Variants in OXR1 observed in about 807,000 individuals in gnomAD.
OXR1 encodes oxidation resistance 1.
A neutral mutation model predicts 104.6 loss-of-function variants in OXR1; 41 were observed. The observed-to-expected ratio is 0.39, with a 90% CI of 0.31 to 0.51. OXR1 has a LOEUF of 0.51. OXR1 is among the 20% of genes least tolerant of loss of function. The pLI is 0.77. For missense variants in OXR1, 955 were observed against 1,031.9 expected (o/e 0.93, Z 1.02); for synonymous variants, 348 against 348.4 (o/e 1.00, Z 0.01).
rs1291097321 is a variant in OXR1, at chr8:106,287,284, GTAT to G, written c.-139+16923_-139+16925del. 3.3e-5 allele frequency among the ~76,000 whole-genome samples: 5 copies of G among 152,152 alleles called. No individual in the cohort carries two copies. In the East Asian group the frequency reaches 9.6e-4, roughly 29 times the overall value. On this transcript the variant is annotated intron_variant, in intron 1 of 16. Transcript: ENST00000517566. ...TAAAAGGAGGTCAGGGGTATTGGAG[GTAT>G]TATTAAGATTCACTTTATCTTACAT... is the stretch of plus-strand genomic sequence containing the variant.
intron 3 of OXR1, among the ~76,000 whole-genome samples, chr8:106,567,246 CAT>C (rs567322213): frequency 1.3e-3 from 197 of 152,174 alleles, no homozygotes; most frequent in African/African-American, 4.5e-3. Flanking sequence ...TTGCTGTGTA[CAT>C]AGAGATTTCC....
chr8:106,538,474 T>A (rs1190408995), intron 3 of OXR1, among the ~76,000 whole-genome samples: 1 of 152,184 alleles, frequency 6.6e-6, no homozygotes, highest in South Asian at 2.1e-4. Context: ...CCCATTAAGT[T>A]TTGTTGTTCC....
intron 2 of OXR1, among the ~76,000 whole-genome samples, chr8:106,479,027 G>A (rs1361419391): frequency 6.6e-6 from 1 of 151,796 alleles, no homozygotes; most frequent in African/African-American, 2.4e-5. Flanking sequence ...AAATACTATA[G>A]CAATTCAATA....
chr8:106,561,195 C>G (rs569851396), intron 3 of OXR1, among the ~76,000 whole-genome samples: 2 of 152,064 alleles, frequency 1.3e-5, no homozygotes, highest in African/African-American at 4.8e-5. Flanking sequence ...ATCCCACCCC[C>G]GCCAGAGCCC....
At chr8:106,613,518 T>A (rs1428853602) in intron 3 of OXR1, among the ~76,000 whole-genome samples, 2 of 152,152 alleles carry the variant, frequency 1.3e-5, no homozygotes, top group African/African-American at 4.8e-5. Context: ...CCTACCTCAT[T>A]CTCCCAAGTA....
chr8:106,693,959 G>A (rs1007360877), intron 7 of OXR1, among the ~76,000 whole-genome samples: 2 of 151,960 alleles, frequency 1.3e-5, no homozygotes, highest in African/African-American at 4.8e-5. Flanking sequence ...TTAGTGGTAT[G>A]CATTTTGCCC....
At chr8:106,456,430 G>T (rs150135944) in intron 2 of OXR1, among the ~76,000 whole-genome samples, 1 of 151,994 alleles carries the variant, frequency 6.6e-6, no homozygotes, top group Non-Finnish European at 1.5e-5. Flanking sequence ...GATTATTTAC[G>T]AAATAAAAAC....
chr8:106,301,758 G>C (rs1037866231), intron 1 of OXR1, among the ~76,000 whole-genome samples: 1 of 152,120 alleles, frequency 6.6e-6, no homozygotes, highest in Non-Finnish European at 1.5e-5. Context: ...TCCTCAGAAA[G>C]CTTTCAAGAT....
In OXR1 at chr8:106,706,407, G is replaced by A; in HGVS notation, c.886G>A (p.Asp296Asn). 1 of 1,580,848 alleles carries A rather than the reference G, an allele frequency of 6.3e-7. No individual in the cohort carries two copies. Among genetic ancestry groups the A allele is most frequent in the Non-Finnish European group, 8.5e-7 (1 of 1,170,564 alleles). ...AGATATAGATCAGCTATCAGGAAGG[G>A]ACTTCTGCCATTCAAAGAAAATGAC... ...PIDIDQLSGR[D>N]FCHSKKMTGS... The change falls in exon 9 of 17, where the codon GAC becomes AAC. Residue 296 changes from aspartate (D) to asparagine (N), a missense_variant. Asp to Asn is a conservative substitution (Grantham distance 23, BLOSUM62 1). Around this residue, in one of 2 missense-constraint regions of OXR1, gnomAD observed 849 missense variants for 852.9 expected, o/e 1.00. Transcript: ENST00000517566.
At chr8:106,385,699 G>A (rs1029118743) in intron 2 of OXR1, among the ~76,000 whole-genome samples, 1 of 152,098 alleles carries the variant, frequency 6.6e-6, no homozygotes, top group Non-Finnish European at 1.5e-5. Context: ...CCAGGTTCCA[G>A]GTTATGTGTA....
intron 1 of OXR1, among the ~76,000 whole-genome samples, chr8:106,279,926 A>G (rs1812208133): frequency 6.6e-6 from 1 of 152,184 alleles, no homozygotes; most frequent in African/African-American, 2.4e-5. Flanking sequence ...CCAGTGCTGG[A>G]ATGGATCAGC....
intron 1 of OXR1, among the ~76,000 whole-genome samples, chr8:106,349,898 AT>A: frequency 6.6e-6 from 1 of 152,328 alleles, no homozygotes; most frequent in South Asian, 2.1e-4. Context: ...ACAGAAGCCT[AT>A]TGGAATCAGT....
At position 106,633,262 on chromosome 8, in the gene OXR1, C is replaced by A. The variant is rs145153261; in HGVS notation, c.221-45948C>A. 1.7e-3 allele frequency among the ~76,000 whole-genome samples: 262 copies of A among 149,732 alleles called. 2 individuals carry two copies. Among genetic ancestry groups the A allele is most frequent in the African/African-American group, 5.5e-3 (226 of 40,780 alleles). ...CAAAACAAAACAAAACAAACAACAA[C>A]AAAAAAAAAGCCAACCAAAGAAAAT... On this transcript the variant is annotated intron_variant, in intron 3 of 16. Transcript: ENST00000517566.
chr8:106,648,114 T>C (rs931588471), intron 3 of OXR1, among the ~76,000 whole-genome samples: 1 of 152,256 alleles, frequency 6.6e-6, no homozygotes, highest in Admixed American at 6.5e-5. Flanking sequence ...TGGCTACTCA[T>C]AATAGTTTTA....
At chr8:106,474,532 A>C (rs1185359498) in intron 2 of OXR1, among the ~76,000 whole-genome samples, 3 of 151,842 alleles carry the variant, frequency 2.0e-5, no homozygotes, top group African/African-American at 7.2e-5. Flanking sequence ...CTTTGTAAAA[A>C]GTTGAAAAAA....
chr8:106,341,660 C>T (rs1016607878), intron 1 of OXR1, among the ~76,000 whole-genome samples: 2 of 152,158 alleles, frequency 1.3e-5, no homozygotes, highest in African/African-American at 4.8e-5. Context: ...TTCTATCCAC[C>T]TGACTGCTAA....
intron 2 of OXR1, among the ~76,000 whole-genome samples, chr8:106,434,996 T>C (rs1399684367): frequency 1.3e-5 from 2 of 151,456 alleles, no homozygotes; most frequent in Non-Finnish European, 2.9e-5. Flanking sequence ...TGACTGAAGG[T>C]GAATGGGTAG....
intron 16 of OXR1, among the ~76,000 whole-genome samples, chr8:106,747,885 T>A (rs953862201): frequency 6.6e-5 from 10 of 152,206 alleles, no homozygotes; most frequent in African/African-American, 2.4e-4. Flanking sequence ...ATCTTGAAGG[T>A]CAATTTTGAG....
intron 3 of OXR1, among the ~76,000 whole-genome samples, chr8:106,580,612 G>A (rs1818159677): frequency 6.6e-6 from 1 of 151,974 alleles, no homozygotes; most frequent in African/African-American, 2.4e-5. Flanking sequence ...GGATCCTATG[G>A]TATTTATTTA....
Sources: allele counts gnomAD v4.1 joint callset (sites outside exome capture counted in the v4.1 genomes callset), GRCh38; gene constraint gnomAD v4.1.1; regional missense constraint gnomAD v4.1.1; transcripts MANE v1.5; gene names NCBI Gene and HGNC (gene_info 2026-07-23, HGNC 2026-07-21).